Variants in SPECC1 observed in about 807,000 individuals in gnomAD.
SPECC1 encodes cytospin-B.
In SPECC1, 62 loss-of-function variants were observed where a neutral mutation model predicts 104.1. That is an observed-to-expected ratio of 0.60 (90% CI 0.49 to 0.74). The LOEUF (loss-of-function observed/expected upper bound fraction) is 0.74. Among genes scored for constraint, SPECC1 ranks in the 30% least tolerant of loss-of-function variants. SPECC1 has a pLI of 0.00. For missense variants in SPECC1, 1,306 were observed against 1,310.5 expected, an observed-to-expected ratio of 1.00 and a Z score of 0.05; for synonymous variants, 513 against 501.6, an observed-to-expected ratio of 1.02 and a Z score of -0.30.
At chr17:20,183,048 CAAAT>C (rs1388777795) in intron 3 of SPECC1, among the ~76,000 whole-genome samples, 6 of 152,078 alleles carry the variant, frequency 3.9e-5, no homozygotes, top group Non-Finnish European at 1.5e-5. Flanking sequence ...CGCTTGTAAA[CAAAT>C]AAAAGTAAAT....
chr17:20,173,461 T>A (rs758523192), intron 3 of SPECC1, among the ~76,000 whole-genome samples: 1 of 152,318 alleles, frequency 6.6e-6, no homozygotes, highest in South Asian at 2.1e-4. Context: ...TTTAGAGAAA[T>A]AAACCTGGGC....
rs1018913529 is a variant in SPECC1, at chr17:20,041,625, T to G, written c.-22+32201T>G. ...TTTGTAGTTGTTTGTTGAGGCTTTTTTTTTTTTTTTTTTTTTTTTTGGGAC... is the reference window on the plus strand; with the variant it reads ...TTTGTAGTTGTTTGTTGAGGCTTTTGTTTTTTTTTTTTTTTTTTTTGGGAC... On this transcript the variant is annotated intron_variant, in intron 1 of 14. Transcript: ENST00000395527. Among the ~76,000 whole-genome samples, 71 of 132,612 alleles carry G rather than the reference T, an allele frequency of 5.4e-4. 3 individuals are homozygous for G. The highest frequency in any genetic ancestry group is 1.8e-3 in the African/African-American group (65 of 36,446). The allele number at this position is 132,612 out of a possible 152,430, so 87.0% of individuals were successfully genotyped here. A position where few individuals can be genotyped will look rare whatever the true frequency, so the allele number is the denominator to read the frequency against.
chr17:20,186,429 G>A (rs1390024606), intron 3 of SPECC1, among the ~76,000 whole-genome samples: 1 of 152,154 alleles, frequency 6.6e-6, no homozygotes, highest in Non-Finnish European at 1.5e-5. Flanking sequence ...CTCGATGCAG[G>A]GTTGCCACAA....
At chr17:20,197,469 G>A (rs1359970421) in intron 3 of SPECC1, among the ~76,000 whole-genome samples, 1 of 151,184 alleles carries the variant, frequency 6.6e-6, no homozygotes, top group Non-Finnish European at 1.5e-5. Flanking sequence ...TACTGTGAAA[G>A]TGCAAAACCC....
At position 20,237,323 on chromosome 17, in the gene SPECC1, T is replaced by G. The variant is rs1052233765; in HGVS notation, c.2351+4918T>G. On this transcript the variant is annotated intron_variant, in intron 7 of 14. Coordinates refer to ENST00000395527, the MANE Select transcript of SPECC1 (RefSeq NM_001243439.2). ...TGTTGTTGTTTTGTTTTGTTTTTTT[T>G]TTTTTTTTGAGACAGAGTTTCACTC... 304 of 1,089,776 alleles carry G rather than the reference T, an allele frequency of 2.8e-4. 1 individual carries two copies. The highest frequency in any genetic ancestry group is 3.3e-4 in the Non-Finnish European group (299 of 894,688). 67.5% of individuals were successfully genotyped at this position (1,089,776 alleles called of 1,614,324 possible).
intron 1 of SPECC1, among the ~76,000 whole-genome samples, chr17:20,095,315 A>G (rs1330931909): frequency 2.0e-5 from 3 of 152,258 alleles, no homozygotes; most frequent in Non-Finnish European, 4.4e-5. Flanking sequence ...TGAACTAATT[A>G]TGTAACTGAA....
chr17:20,030,715 T>C (rs1286088367), intron 1 of SPECC1, among the ~76,000 whole-genome samples: 2 of 152,198 alleles, frequency 1.3e-5, no homozygotes, highest in Non-Finnish European at 2.9e-5. Flanking sequence ...CAGATTACCC[T>C]CTGGGGTCAC....
At chr17:20,137,450 C>A (rs985970732) in intron 3 of SPECC1, among the ~76,000 whole-genome samples, 1 of 152,136 alleles carries the variant, frequency 6.6e-6, no homozygotes, top group African/African-American at 2.4e-5. Flanking sequence ...GAACTAAGAG[C>A]AGAAACTGAA....
In SPECC1 at chr17:20,110,563, G is replaced by T; in HGVS notation, c.283+1G>T. 6.2e-7 allele frequency: 1 copy of T among 1,611,936 alleles called. No individual in the cohort carries two copies. The highest frequency in any genetic ancestry group is 8.5e-7 in the Non-Finnish European group (1 of 1,179,266). ...GAGAGCCGCCTGAGGAGCGGCACAG[G>T]TAGGAGGGACCGGGCAGGTGGGCTC... On this transcript the variant is annotated splice_donor_variant, in intron 3 of 14. Coordinates refer to ENST00000395527, the MANE Select transcript of SPECC1 (RefSeq NM_001243439.2). LOFTEE classifies it high-confidence loss of function.
chr17:20,185,612 T>G (rs2035216319), intron 3 of SPECC1, among the ~76,000 whole-genome samples: 1 of 152,208 alleles, frequency 6.6e-6, no homozygotes, highest in African/African-American at 2.4e-5. Flanking sequence ...TGTTAAGTGA[T>G]GAGGTTATGG....
chr17:20,266,399 T>C (rs577848470), intron 12 of SPECC1, among the ~76,000 whole-genome samples: 8 of 152,230 alleles, frequency 5.3e-5, no homozygotes, highest in Non-Finnish European at 8.8e-5. Context: ...CTGGCTAACA[T>C]GGTGAAACCC....
At chr17:20,179,409 A>T (rs1288192816) in intron 3 of SPECC1, among the ~76,000 whole-genome samples, 1 of 152,266 alleles carries the variant, frequency 6.6e-6, no homozygotes, top group East Asian at 1.9e-4. Context: ...CCTGAATCAA[A>T]GTCTGGGACA....
rs1424502719 is a variant in SPECC1, at chr17:20,314,573, G to A, written c.*508G>A. 2 of 267,930 alleles carry A rather than the reference G, an allele frequency of 7.5e-6. No homozygotes were observed. The highest frequency in any genetic ancestry group is 1.5e-5 in the Non-Finnish European group (2 of 137,430). 16.6% of individuals were successfully genotyped at this position (267,930 alleles called of 1,614,324 possible). ...TAGGATCGTTTGAGCCCAGGAGTTC[G>A]AGGCTGCAGTGAGCTATGAGCATAC... On this transcript the variant is annotated 3_prime_UTR_variant, in exon 15 of 15. Coordinates refer to ENST00000395527, the MANE Select transcript of SPECC1 (RefSeq NM_001243439.2).
rs1395950470 is a variant in SPECC1, at chr17:20,205,901, C to T, written c.1852C>T (p.Leu618=). 1 of 1,608,696 alleles carries T rather than the reference C, an allele frequency of 6.2e-7. No individual in the cohort carries two copies. The highest frequency in any genetic ancestry group is 8.5e-7 in the Non-Finnish European group (1 of 1,179,002). Residue 618 remains leucine (L), a synonymous_variant, in exon 4 of 15, where the codon CTG becomes TTG. Coordinates refer to ENST00000395527, the MANE Select transcript of SPECC1 (RefSeq NM_001243439.2). ...CGGTGAAATTAAACATGTTTCCAGT[C>T]TGCTGGCCAAGGTGAGAAGAGACAG... ...ANGEIKHVSS[L]LAKVEKDYSY...
In SPECC1 at chr17:20,190,630, C is replaced by T. The variant is rs893478369; in HGVS notation, c.284-13703C>T. Among the ~76,000 whole-genome samples the T allele has an allele frequency of 2.6e-5, 4 of 152,314 alleles. No homozygotes were observed. In the East Asian group the frequency reaches 5.8e-4, roughly 22 times the overall value. Reference sequence around the variant, plus strand: ...AATCAGTGAACCCACACCGATGTAACATTGCTCAGAGTCCGTGGTTTACAT... The same window carrying T: ...AATCAGTGAACCCACACCGATGTAATATTGCTCAGAGTCCGTGGTTTACAT... On this transcript the variant is annotated intron_variant, in intron 3 of 14. Transcript: ENST00000395527.
At chr17:20,304,493 A>G (rs954772013) in intron 13 of SPECC1, among the ~76,000 whole-genome samples, 6 of 152,204 alleles carry the variant, frequency 3.9e-5, no homozygotes, top group Admixed American at 6.5e-5. Context: ...AGAGTCCCCA[A>G]AAGAAGCCAC....
intron 3 of SPECC1, among the ~76,000 whole-genome samples, chr17:20,113,609 G>A (rs2048603530): frequency 6.6e-6 from 1 of 152,156 alleles, no homozygotes; most frequent in South Asian, 2.1e-4. Context: ...GTAATATCCA[G>A]TTCTTACTGA....
At chr17:20,256,929 A>C (rs999420356) in intron 10 of SPECC1, among the ~76,000 whole-genome samples, 1 of 152,228 alleles carries the variant, frequency 6.6e-6, no homozygotes, top group African/African-American at 2.4e-5. Context: ...CTAATATGAC[A>C]GCAGAAAGGA....
At chr17:20,305,348 G>A (rs1174773071) in intron 13 of SPECC1, among the ~76,000 whole-genome samples, 1 of 151,930 alleles carries the variant, frequency 6.6e-6, no homozygotes, top group African/African-American at 2.4e-5. Flanking sequence ...ATACCCAGTG[G>A]GACAAAAAAT....
Sources: gnomAD v4.1 joint callset for allele counts (sites outside exome capture counted in the v4.1 genomes callset) on GRCh38, gnomAD v4.1.1 for gene constraint, MANE v1.5 for transcripts, NCBI Gene and HGNC (gene_info 2026-07-23, HGNC 2026-07-21) for gene names.